The following BACH1 variants were observed in gnomAD, a reference collection of about 807,000 sequenced individuals.
BACH1 encodes the protein transcription regulator protein BACH1.
In BACH1, 35 loss-of-function variants were observed where a neutral mutation model predicts 52.9. The observed-to-expected ratio is 0.66, with a 90% confidence interval of 0.51 to 0.88. The LOEUF is 0.88. BACH1 is among the 40% of genes least tolerant of loss of function. The pLI is 0.00. For synonymous variants in BACH1, 321 were observed against 319.6 expected (o/e 1.00, Z -0.05); for missense variants, 808 against 872.6 (o/e 0.93, Z 0.93).
chr21:29,353,446 AC>A (rs975784795), intron 2 of BACH1, among the ~76,000 whole-genome samples: 2 of 151,852 alleles, frequency 1.3e-5, no homozygotes, highest in African/African-American at 4.8e-5. Flanking sequence ...ACGTGTCACA[AC>A]CCCCTTCTTT....
At chr21:29,330,317 A>G (rs895446347) in intron 4 of BACH1, among the ~76,000 whole-genome samples, 1 of 151,828 alleles carries the variant, frequency 6.6e-6, no homozygotes, top group Non-Finnish European at 1.5e-5. Flanking sequence ...GGCGCCTGCC[A>G]CTGCGCCTGG....
chr21:29,340,560 A>T (rs1481604338), intron 4 of BACH1, among the ~76,000 whole-genome samples: 2 of 152,236 alleles, frequency 1.3e-5, no homozygotes, highest in South Asian at 4.1e-4. Context: ...AGGAAGCTCA[A>T]GTACTCCTTA....
intron 1 of BACH1, among the ~76,000 whole-genome samples, chr21:29,315,058 A>G (rs541543758): frequency 5.9e-5 from 9 of 152,280 alleles, no homozygotes; most frequent in African/African-American, 2.2e-4. Flanking sequence ...TCAGAATTAC[A>G]GAATGATGAA....
Position 29,343,075 on chromosome 21 carries a change from C to A in BACH1, c.*242C>A. The A allele has an allele frequency of 2.8e-6, 1 of 358,446 alleles. No homozygotes were observed. Among genetic ancestry groups the A allele is most frequent in the Non-Finnish European group, 5.0e-6 (1 of 198,378 alleles). 22.2% of individuals were successfully genotyped at this position (358,446 alleles called of 1,614,324 possible). On this transcript the variant is annotated 3_prime_UTR_variant, in exon 5 of 5. Transcript: ENST00000286800. Reference sequence around the variant, plus strand: ...GAAAATGTAGTAAACCTTTAAAACTCATGTTTTAAAGAATAATAACTCTAG... The same window carrying A: ...GAAAATGTAGTAAACCTTTAAAACTAATGTTTTAAAGAATAATAACTCTAG...
At position 29,329,526 on chromosome 21, in the gene BACH1, T is replaced by C; in HGVS notation, c.1609T>C (p.Ser537Pro). The change falls in exon 4 of 5, where the codon TCT becomes CCT. Residue 537 changes from serine (S) to proline (P), a missense_variant. By Grantham distance (74) the Ser-to-Pro change is moderately conservative. Transcript: ENST00000286800. ...CAATGCACAACGGATAATTTCACTG[T>C]CTCGAAATGATTTTCAGTCCTTGTT... ...PFNAQRIISL[S>P]RNDFQSLLKM... 1 of 1,600,002 alleles carries C rather than the reference T, an allele frequency of 6.2e-7. No individual in the cohort carries two copies. The highest frequency in any genetic ancestry group is 8.5e-7 in the Non-Finnish European group (1 of 1,174,628).
intron 1 of BACH1, among the ~76,000 whole-genome samples, chr21:29,320,250 T>G (rs1048392723): frequency 7.9e-5 from 12 of 152,212 alleles, no homozygotes; most frequent in Admixed American, 7.9e-4. Flanking sequence ...TAAAGGCCAA[T>G]AAGCTCCTCA....
chr21:29,325,107 G>A (rs1461479175), intron 2 of BACH1, among the ~76,000 whole-genome samples: 8 of 152,124 alleles, frequency 5.3e-5, no homozygotes, highest in Admixed American at 3.9e-4. Context: ...GCAGGCACCT[G>A]TAGTCCCAGC....
At chr21:29,352,630 C>G (rs2089209619) in intron 2 of BACH1, 1 of 152,134 alleles carries the variant, frequency 6.6e-6, no homozygotes, top group East Asian at 1.9e-4. Context: ...AAGTGATTCT[C>G]CTGCCTCAGC....
downstream of BACH1, among the ~76,000 whole-genome samples, chr21:29,347,248 T>C (rs749823242): frequency 2.0e-5 from 3 of 152,192 alleles, no homozygotes; most frequent in Non-Finnish European, 4.4e-5. Flanking sequence ...AAAAGTGCAT[T>C]CTGGAATTAG....
At chr21:29,336,442 A>G (rs1262137393) in intron 4 of BACH1, among the ~76,000 whole-genome samples, 1 of 151,600 alleles carries the variant, frequency 6.6e-6, no homozygotes, top group Non-Finnish European at 1.5e-5. Context: ...TCAAAGTAAT[A>G]TTTTTTCAAC....
In BACH1 at chr21:29,298,940, G is replaced by GCGCCTCGCCT. The variant is rs150511237; in HGVS notation, c.-68_-67insGCCTCGCCTC. 1.3e-5 allele frequency: 2 copies of GCGCCTCGCCT among 151,972 alleles called. No individual in the cohort carries two copies. Among genetic ancestry groups the GCGCCTCGCCT allele is most frequent in the African/African-American group, 4.8e-5 (2 of 41,452 alleles). 9.4% of individuals were successfully genotyped at this position (151,972 alleles called of 1,614,324 possible). A position where few individuals can be genotyped will look rare whatever the true frequency, so the allele number is the denominator to read the frequency against. On this transcript the variant is annotated 5_prime_UTR_variant, in exon 1 of 5. Coordinates refer to ENST00000286800, the MANE Select transcript of BACH1 (RefSeq NM_001186.4). Reference sequence around the variant, plus strand: ...TCGCTTCAGTCAGTCGGGCCGCGCCGCGCCTCAGCTCTGGTGAGTGGCTCG... The same window carrying GCGCCTCGCCT: ...TCGCTTCAGTCAGTCGGGCCGCGCCGCGCCTCGCCTCGCCTCAGCTCTGGTGAGTGGCTCG...
At chr21:29,361,452 C>G (rs1467661849) in intron 2 of BACH1, 1 of 150,986 alleles carries the variant, frequency 6.6e-6, no homozygotes, top group Non-Finnish European at 1.5e-5. Flanking sequence ...TTTTTTTTGT[C>G]TAGCTTTAAA....
At chr21:29,303,007 G>T (rs559057003) in intron 1 of BACH1, among the ~76,000 whole-genome samples, 1 of 152,318 alleles carries the variant, frequency 6.6e-6, no homozygotes, top group Non-Finnish European at 1.5e-5. Context: ...TCTTTTCCAC[G>T]TTGTAGTTGA....
intron 4 of BACH1, among the ~76,000 whole-genome samples, chr21:29,340,903 A>G (rs1284299949): frequency 6.6e-6 from 1 of 151,970 alleles, no homozygotes; most frequent in Non-Finnish European, 1.5e-5. Flanking sequence ...GAGAAAATGT[A>G]CTGGCCAAAC....
chr21:29,335,143 C>T lies in BACH1; in HGVS notation c.1776+5450C>T, dbSNP rs138247341. ...ACTGCATGATAGCACTGAGGTCAGA[C>T]GGAGGCTTTGGAGACAAATGACTGG... On this transcript the variant is annotated intron_variant, in intron 4 of 4. Transcript: ENST00000286800. Among the ~76,000 whole-genome samples the T allele has an allele frequency of 6.1e-4, 93 of 152,262 alleles. No homozygotes were observed. In the East Asian group the frequency reaches 8.9e-3, roughly 15 times the overall value.
chr21:29,307,740 T>C (rs2088675612), intron 1 of BACH1, among the ~76,000 whole-genome samples: 1 of 152,220 alleles, frequency 6.6e-6, no homozygotes, highest in African/African-American at 2.4e-5. Context: ...CCCCTGTAGA[T>C]AAGGGGGACA....
At chr21:29,317,137 C>T (rs964145893) in intron 1 of BACH1, among the ~76,000 whole-genome samples, 6 of 152,192 alleles carry the variant, frequency 3.9e-5, no homozygotes, top group East Asian at 1.9e-4. Context: ...ATATAGGTTG[C>T]GCAGTCCTTA....
At chr21:29,356,129 C>T (rs1032407694) in intron 2 of BACH1, among the ~76,000 whole-genome samples, 2 of 152,148 alleles carry the variant, frequency 1.3e-5, no homozygotes, top group Admixed American at 1.3e-4. Flanking sequence ...CTGGCTATTC[C>T]GGTTCCTGTA....
At chr21:29,306,410 T>C (rs2123406937) in intron 1 of BACH1, among the ~76,000 whole-genome samples, 1 of 152,046 alleles carries the variant, frequency 6.6e-6, no homozygotes, top group East Asian at 1.9e-4. Flanking sequence ...GAAAAATTTT[T>C]CCCTAAAGCC....
Sources: gnomAD v4.1 joint callset for allele counts (sites outside exome capture counted in the v4.1 genomes callset) on GRCh38, gnomAD v4.1.1 for gene constraint, MANE v1.5 for transcripts, NCBI Gene and HGNC (gene_info 2026-07-23, HGNC 2026-07-21) for gene names.